SERPINB12: variants seen among roughly 807,000 people sequenced by gnomAD.
SERPINB12 encodes serpin family B member 12.
SERPINB12 carries 57 observed loss-of-function variants against 41.1 expected under a neutral mutation model. The ratio of observed to expected loss-of-function variants is 1.39; its 90% CI spans 1.12 to 1.73. The LOEUF (loss-of-function observed/expected upper bound fraction) is 1.73. SERPINB12 is among the 40% of genes most tolerant of loss of function. The pLI is 0.00. For missense variants in SERPINB12, 536 were observed against 501.9 expected, an observed-to-expected ratio of 1.07 and a Z score of -0.65; for synonymous variants, 180 against 181.3, an observed-to-expected ratio of 0.99 and a Z score of 0.06.
At chr18:63,536,503 A>G in the SERPINB12 span, among the ~76,000 whole-genome samples, 1 of 152,106 alleles carries the variant, frequency 6.6e-6, no homozygotes, top group Non-Finnish European at 1.5e-5. Flanking sequence ...ACTTTTTGCC[A>G]TTTTTGGCAA....
At chr18:63,526,507 A>T in the SERPINB12 span, among the ~76,000 whole-genome samples, 1 of 152,208 alleles carries the variant, frequency 6.6e-6, no homozygotes, top group Non-Finnish European at 1.5e-5. Flanking sequence ...TAGTCATAAG[A>T]CAGTAAAATA....
the SERPINB12 span, among the ~76,000 whole-genome samples, chr18:63,520,800 G>A: frequency 6.6e-6 from 1 of 152,088 alleles, no homozygotes; most frequent in African/African-American, 2.4e-5. Flanking sequence ...ATAAACAGAT[G>A]GTGAGGCCAT....
At chr18:63,536,829 A>C in the SERPINB12 span, among the ~76,000 whole-genome samples, 1 of 152,134 alleles carries the variant, frequency 6.6e-6, no homozygotes, top group African/African-American at 2.4e-5. Context: ...TAAATGTTTT[A>C]ACTTTATCAC....
the SERPINB12 span, among the ~76,000 whole-genome samples, chr18:63,519,295 C>T: frequency 6.6e-6 from 1 of 152,172 alleles, no homozygotes; most frequent in Non-Finnish European, 1.5e-5. Flanking sequence ...AGACCTTCAA[C>T]AGTGGCTCTG....
In SERPINB12 at chr18:63,565,535, A is replaced by G. The variant is rs1279150192; in HGVS notation, c.796A>G (p.Arg266Gly). Residue 266 changes from arginine (R) to glycine (G), a missense_variant, in exon 7 of 8, where the codon AGG becomes GGG. Coordinates refer to ENST00000382768, the MANE Select transcript of SERPINB12 (RefSeq NM_001307928.2). ...EEVKAQILEM[R>G]YTKGKLSMFV... is the part of the protein sequence containing the mutation. ...GGTGAAGGCACAGATCCTGGAAATG[A>G]GGTACACCAAGGGGAAGCTCAGCAT... The G allele has an allele frequency of 9.3e-6, 15 of 1,614,188 alleles. No homozygotes were observed. In the African/African-American group the frequency reaches 2.0e-4, roughly 22 times the overall value.
chr18:63,562,877 A>T (rs1910959713), intron 5 of SERPINB12, among the ~76,000 whole-genome samples: 3 of 152,224 alleles, frequency 2.0e-5, no homozygotes, highest in Admixed American at 2.0e-4. Context: ...ATCTGCAAAT[A>T]TTCAAGTAAC....
At chr18:63,536,827 T>C in the SERPINB12 span, among the ~76,000 whole-genome samples, 1 of 152,136 alleles carries the variant, frequency 6.6e-6, no homozygotes, top group African/African-American at 2.4e-5. Context: ...TATAAATGTT[T>C]TAACTTTATC....
chr18:63,552,260 G>A (rs932141125), intron 1 of SERPINB12, among the ~76,000 whole-genome samples: 4 of 152,070 alleles, frequency 2.6e-5, no homozygotes, highest in African/African-American at 4.8e-5. Context: ...AAGACCAGGA[G>A]GGTCAATTTC....
At chr18:63,520,439 G>A in the SERPINB12 span, among the ~76,000 whole-genome samples, 1 of 152,230 alleles carries the variant, frequency 6.6e-6, no homozygotes, top group Non-Finnish European at 1.5e-5. Context: ...AAATGCATGT[G>A]TCAGTGGAGA....
intron 2 of SERPINB12, 79 bp from the exon 3 acceptor site, chr18:63,558,273 C>T: frequency 7.1e-7 from 1 of 1,414,458 alleles, no homozygotes; most frequent in Middle Eastern, 1.9e-4. Flanking sequence ...GCCATTGTCT[C>T]ATTATGAAAT....
Position 63,567,523 on chromosome 18 carries a change from G to T in SERPINB12, c.*512G>T. 6.6e-6 allele frequency among the ~76,000 whole-genome samples: 1 copy of T among 152,150 alleles called. No individual in the cohort carries two copies. The highest frequency in any genetic ancestry group is 1.9e-4 in the East Asian group (1 of 5,188). On this transcript the variant is annotated 3_prime_UTR_variant, in exon 8 of 8. Coordinates refer to ENST00000382768, the MANE Select transcript of SERPINB12 (RefSeq NM_001307928.2). ...GGCGAGATGCCCTGTTTCTTCCTTTGACAGCTACTGCATGGAAGATGTCCT... is the reference window on the plus strand; with the variant it reads ...GGCGAGATGCCCTGTTTCTTCCTTTTACAGCTACTGCATGGAAGATGTCCT...
chr18:63,559,809 A>G, intron 4 of SERPINB12, 91 bp downstream of exon 4: 1 of 1,328,968 alleles, frequency 7.5e-7, no homozygotes, highest in Non-Finnish European at 1.1e-6. Flanking sequence ...GCCATCTAGA[A>G]CACAAACCTC....
chr18:63,551,996 G>C (rs1029306502), intron 1 of SERPINB12, among the ~76,000 whole-genome samples: 5 of 152,208 alleles, frequency 3.3e-5, no homozygotes, highest in African/African-American at 1.2e-4. Context: ...CAAAGGGATG[G>C]GGATAAATCT....
chr18:63,555,078 C>G (rs1208241042), intron 1 of SERPINB12, among the ~76,000 whole-genome samples: 2 of 152,202 alleles, frequency 1.3e-5, no homozygotes, highest in African/African-American at 2.4e-5. Flanking sequence ...TCAATTAAAA[C>G]TCTTTCCTTT....
chr18:63,525,601 C>T, the SERPINB12 span, among the ~76,000 whole-genome samples: 1 of 152,206 alleles, frequency 6.6e-6, no homozygotes, highest in Non-Finnish European at 1.5e-5. Context: ...TAACGAGTAT[C>T]TATTACTTAA....
chr18:63,542,672 G>A (rs999885421), intron 1 of SERPINB12, among the ~76,000 whole-genome samples, 180 bp downstream of exon 1: 48 of 152,260 alleles, frequency 3.2e-4, no homozygotes, highest in Non-Finnish European at 6.5e-4. Flanking sequence ...CAGGGTGTAT[G>A]TGTGCAGGTT....
the SERPINB12 span, among the ~76,000 whole-genome samples, chr18:63,535,155 C>T: frequency 6.6e-6 from 1 of 152,026 alleles, no homozygotes; most frequent in South Asian, 2.1e-4. Flanking sequence ...TTATGGTAGT[C>T]ATTGATTCAA....
Position 63,559,701 on chromosome 18 carries a change from G to C in SERPINB12, c.427G>C (p.Glu143Gln), listed in dbSNP as rs771471690. ...SIANRLYGEQ[E>Q]FPICQEYLDG... is the part of the protein sequence containing the mutation. ...TGCCAACAGGCTTTATGGAGAGCAG[G>C]AATTCCCAATCTGTCAGGTGAGTTG... Residue 143 changes from glutamate (E) to glutamine (Q), a missense_variant, in exon 4 of 8, where the codon GAA (glutamate) becomes CAA (glutamine). Transcript: ENST00000382768. The C allele has an allele frequency of 5.0e-6, 8 of 1,614,030 alleles. No individual in the cohort carries two copies. Among genetic ancestry groups the C allele is most frequent in the Non-Finnish European group, 6.8e-6 (8 of 1,179,970 alleles).
intron 1 of SERPINB12, among the ~76,000 whole-genome samples, chr18:63,546,267 C>G (rs1477322150): frequency 6.6e-6 from 1 of 152,158 alleles, no homozygotes; most frequent in Non-Finnish European, 1.5e-5. Flanking sequence ...TTTGACTCTT[C>G]CTAGCTTTCT....
Sources: allele counts gnomAD v4.1 joint callset (sites outside exome capture counted in the v4.1 genomes callset), GRCh38; gene constraint gnomAD v4.1.1; transcripts MANE v1.5; gene names NCBI Gene and HGNC (gene_info 2026-07-23, HGNC 2026-07-21).